FEZ2: variants seen among roughly 807,000 people sequenced by gnomAD.
FEZ2 encodes fasciculation and elongation protein zeta-2.
FEZ2 carries 51 observed loss-of-function variants against 40.4 expected under a neutral mutation model. That is an observed-to-expected ratio of 1.26 (90% CI 1.01 to 1.59). FEZ2 has a LOEUF of 1.59. FEZ2 is among the 40% of genes most tolerant of loss of function. The pLI is 0.00. For missense variants in FEZ2, 640 were observed against 438.3 expected (o/e 1.46, Z -4.11); for synonymous variants, 242 against 172.0 (o/e 1.41, Z -3.18).
chr2:36,581,377 C>A lies in FEZ2; in HGVS notation c.547G>T (p.Glu183Ter), dbSNP rs759552008. The change falls in exon 4 of 8, where the codon GAA becomes TAA. Residue 183 changes from glutamate (E) to a stop codon, truncating the protein, a stop_gained. Coordinates refer to ENST00000405912, the MANE Select transcript of FEZ2 (RefSeq NM_005102.3). LOFTEE classifies it high-confidence loss of function. Reference protein sequence around the residue: ...MQESPDPEDDETPTQSDRLSM... With the variant: ...MQESPDPEDD Reference sequence around the variant, plus strand: ...AGCCGATCTGACTGTGTAGGGGTTTCATCATCTTCTGGGTCCGGTGATTCC... The same window carrying A: ...AGCCGATCTGACTGTGTAGGGGTTTAATCATCTTCTGGGTCCGGTGATTCC... 6.2e-7 allele frequency: 1 copy of A among 1,613,472 alleles called. No individual in the cohort carries two copies. Among genetic ancestry groups the A allele is most frequent in the Non-Finnish European group, 8.5e-7 (1 of 1,179,426 alleles).
chr2:36,583,725 A>T (rs1031715647), intron 2 of FEZ2, among the ~76,000 whole-genome samples: 2 of 152,230 alleles, frequency 1.3e-5, no homozygotes, highest in African/African-American at 4.8e-5. Context: ...TATGCAGAAA[A>T]AAATACGGTA....
intron 5 of FEZ2, among the ~76,000 whole-genome samples, chr2:36,577,524 G>A (rs1174336982): frequency 6.6e-6 from 1 of 152,138 alleles, no homozygotes; most frequent in African/African-American, 2.4e-5. Flanking sequence ...AAAGTGCTGG[G>A]ATTACAGGCG....
intron 5 of FEZ2, chr2:36,560,701 T>C (rs1668071072): frequency 1.3e-6 from 1 of 787,598 alleles, no homozygotes; most frequent in Admixed American, 2.4e-5. Flanking sequence ...TCTTAGTAAA[T>C]TAGTAAACTA....
chr2:36,592,165 T>A (rs530793216), intron 1 of FEZ2, among the ~76,000 whole-genome samples: 43 of 152,308 alleles, frequency 2.8e-4, no homozygotes, highest in Admixed American at 2.4e-3. Flanking sequence ...AAAAACACCC[T>A]AAAATGTTTA....
At chr2:36,571,808 C>A (rs1251834791) in intron 5 of FEZ2, among the ~76,000 whole-genome samples, 1 of 150,770 alleles carries the variant, frequency 6.6e-6, no homozygotes, top group Non-Finnish European at 1.5e-5. Context: ...GAGTTCAAGA[C>A]AAGCCTGGCC....
intron 4 of FEZ2, 74 bp from the exon 5 acceptor site, chr2:36,578,939 G>C: frequency 4.0e-6 from 5 of 1,252,020 alleles, no homozygotes; most frequent in Non-Finnish European, 4.5e-6. Flanking sequence ...GTAGTCACTA[G>C]GAATGACTAA....
chr2:36,554,541 A>C (rs1667904773), intron 7 of FEZ2, among the ~76,000 whole-genome samples: 1 of 152,232 alleles, frequency 6.6e-6, no homozygotes, highest in African/African-American at 2.4e-5. Context: ...AAGCAAACAA[A>C]GATGTCAGGT....
chr2:36,589,987 T>A (rs1460614914), intron 2 of FEZ2: 1 of 151,854 alleles, frequency 6.6e-6, no homozygotes, highest in African/African-American at 2.4e-5. Context: ...ATAATTTGGA[T>A]ATGTTTCTCA....
At position 36,563,591 on chromosome 2, in the gene FEZ2, C is replaced by T. The variant is rs565282461; in HGVS notation, c.904-5078G>A. ...TATCAAACGCTTCAGTTGCAATCAA[C>T]TCCTACCTCCCCAGAAGTCAGGCAG... On this transcript the variant is annotated intron_variant, in intron 5 of 7. Transcript: ENST00000405912. Among the ~76,000 whole-genome samples the T allele has an allele frequency of 4.9e-4, 75 of 152,042 alleles. 1 individual carries two copies. The South Asian group carries it at 0.015, about 31-fold the overall frequency.
intron 5 of FEZ2, among the ~76,000 whole-genome samples, chr2:36,560,014 A>G (rs1379356009): frequency 2.0e-5 from 3 of 152,208 alleles, no homozygotes; most frequent in Non-Finnish European, 4.4e-5. Flanking sequence ...ACTTCCTACA[A>G]GCTACATTTT....
At chr2:36,573,520 G>A (rs190462393) in intron 5 of FEZ2, among the ~76,000 whole-genome samples, 138 of 152,266 alleles carry the variant, frequency 9.1e-4, no homozygotes, top group African/African-American at 3.1e-3. Flanking sequence ...TAAATCCTCC[G>A]GGATTCAATC....
At chr2:36,560,850 C>T (rs770008552) in intron 5 of FEZ2, 1 of 1,609,588 alleles carries the variant, frequency 6.2e-7, no homozygotes, top group African/African-American at 1.3e-5. Context: ...TTTGAGATCC[C>T]TTCCATGCTG....
intron 7 of FEZ2, among the ~76,000 whole-genome samples, chr2:36,553,654 G>A (rs528197892): frequency 6.6e-6 from 1 of 152,274 alleles, no homozygotes; most frequent in East Asian, 1.9e-4. Context: ...GCGAGAAAGA[G>A]AAGCTCAATT....
chr2:36,560,127 G>A (rs2125220443), intron 5 of FEZ2, among the ~76,000 whole-genome samples: 1 of 152,308 alleles, frequency 6.6e-6, no homozygotes, highest in Non-Finnish European at 1.5e-5. Flanking sequence ...ACCCATTAAT[G>A]TGAATGTTTC....
chr2:36,586,899 T>G (rs973357898), intron 2 of FEZ2, among the ~76,000 whole-genome samples: 2 of 152,238 alleles, frequency 1.3e-5, no homozygotes, highest in Non-Finnish European at 2.9e-5. Flanking sequence ...TAAGCTATGA[T>G]GGCGCCACTG....
intron 5 of FEZ2, among the ~76,000 whole-genome samples, chr2:36,565,699 A>C (rs780344050): frequency 6.6e-6 from 1 of 152,024 alleles, no homozygotes; most frequent in Non-Finnish European, 1.5e-5. Flanking sequence ...AAACACTAAA[A>C]ACGTGGTAGT....
chr2:36,553,214 A>T, intron 7 of FEZ2, 35 bp from the exon 8 acceptor site: 1 of 1,426,282 alleles, frequency 7.0e-7, no homozygotes, highest in African/African-American at 1.4e-5. Context: ...CTACAAATGT[A>T]TATTTTGTAT....
chr2:36,598,130 C>A lies in FEZ2; in HGVS notation c.13G>T (p.Gly5Trp), dbSNP rs951646014. 7.0e-5 allele frequency: 104 copies of A among 1,479,116 alleles called. 1 individual carries two copies. In the African/African-American group the frequency reaches 1.4e-3, roughly 20 times the overall value. 91.6% of individuals were successfully genotyped at this position (1,479,116 alleles called of 1,614,324 possible). Residue 5 changes from glycine to tryptophan, a missense_variant, in exon 1 of 8, where the codon GGG becomes TGG. Physicochemically the swap from Gly to Trp is radical, Grantham distance 184. Coordinates refer to ENST00000405912, the MANE Select transcript of FEZ2 (RefSeq NM_005102.3). ...AACTCATAGAAATCCTGCCAGTCCC[C>A]GTCCGCCGCCATCGCCGCCCGGAGC... Reference protein sequence around the residue: MAADGDWQDFYEFQE... With the variant: MAADWDWQDFYEFQE...
In FEZ2 at chr2:36,590,958, T is replaced by C; in HGVS notation, c.320A>G (p.Lys107Arg). ...GTGCAAGGTCCTAGTATGCGATGAC[T>C]TCCAGTCTACAGGCATCACATTCCC... ...NYGNVMPVDW[K>R]SSHTRTLHLL... is the part of the protein sequence containing the mutation. Residue 107 changes from lysine (K) to arginine (R), a missense_variant, in exon 2 of 8, where the codon AAG becomes AGG. Lys to Arg is a conservative substitution (Grantham distance 26). Coordinates refer to ENST00000405912, the MANE Select transcript of FEZ2 (RefSeq NM_005102.3). 6.2e-7 allele frequency: 1 copy of C among 1,613,422 alleles called. No homozygotes were observed. The highest frequency in any genetic ancestry group is 8.5e-7 in the Non-Finnish European group (1 of 1,179,288).
Sources: allele counts gnomAD v4.1 joint callset (sites outside exome capture counted in the v4.1 genomes callset), GRCh38; gene constraint gnomAD v4.1.1; transcripts MANE v1.5; gene names NCBI Gene and HGNC (gene_info 2026-07-23, HGNC 2026-07-21).